The following CLSTN2 variants were observed in gnomAD, a reference collection of about 807,000 sequenced individuals.
CLSTN2 encodes calsyntenin-2.
Under a neutral mutation model 101.2 loss-of-function variants are expected in CLSTN2, and 48 were observed. The ratio of observed to expected loss-of-function variants is 0.47; its 90% confidence interval spans 0.38 to 0.60. The LOEUF is 0.60. CLSTN2 is among the 20% of genes least tolerant of loss of function. CLSTN2 has a pLI of 0.00. For missense variants in CLSTN2, 1,160 were observed against 1,238.2 expected (o/e 0.94, Z 0.95); for synonymous variants, 481 against 463.6 (o/e 1.04, Z -0.48).
intron 2 of CLSTN2, among the ~76,000 whole-genome samples, chr3:140,299,278 G>C (rs890638276): frequency 6.6e-6 from 1 of 152,138 alleles, no homozygotes; most frequent in Non-Finnish European, 1.5e-5. Context: ...TGATTATGTG[G>C]GCACCCCTGG....
At chr3:140,343,638 G>A (rs2087513210) in intron 2 of CLSTN2, among the ~76,000 whole-genome samples, 1 of 152,188 alleles carries the variant, frequency 6.6e-6, no homozygotes, top group African/African-American at 2.4e-5. Context: ...TATATTAGAA[G>A]CTTGTGAGAT....
intron 2 of CLSTN2, among the ~76,000 whole-genome samples, chr3:140,332,705 CAA>C (rs66752830): frequency 0.49 from 68,091 of 139,134 alleles, 17,487 homozygotes; most frequent in Non-Finnish European, 0.63. Flanking sequence ...TCTTTTCTGG[CAA>C]AAAAAAAAAA....
intron 2 of CLSTN2, among the ~76,000 whole-genome samples, chr3:140,214,275 A>G (rs1268987331): frequency 6.6e-6 from 1 of 151,990 alleles, no homozygotes; most frequent in African/African-American, 2.4e-5. Context: ...CCCCATCTCT[A>G]CTGAAAATAC....
At chr3:140,184,234 GAA>G (rs1233136174) in intron 2 of CLSTN2, among the ~76,000 whole-genome samples, 1 of 152,204 alleles carries the variant, frequency 6.6e-6, no homozygotes, top group Non-Finnish European at 1.5e-5. Context: ...CTACTTATGA[GAA>G]GTTTGTTACT....
At chr3:140,258,623 T>A (rs2086623224) in intron 2 of CLSTN2, among the ~76,000 whole-genome samples, 1 of 152,242 alleles carries the variant, frequency 6.6e-6, no homozygotes, top group East Asian at 1.9e-4. Flanking sequence ...ATTTTCTACT[T>A]GCAGTTAAAT....
intron 1 of CLSTN2, among the ~76,000 whole-genome samples, chr3:139,991,284 A>G (rs1206967361): frequency 6.6e-6 from 1 of 152,250 alleles, no homozygotes; most frequent in Non-Finnish European, 1.5e-5. Context: ...ATTAATAAAA[A>G]TGCTAGATTG....
intron 5 of CLSTN2, among the ~76,000 whole-genome samples, chr3:140,425,444 C>A (rs548211047): frequency 3.1e-4 from 47 of 152,320 alleles, no homozygotes; most frequent in African/African-American, 1.1e-3. Flanking sequence ...CATCTCAGAC[C>A]CCGGCTCTTC....
At chr3:140,052,178 A>G (rs2008009552) in intron 1 of CLSTN2, among the ~76,000 whole-genome samples, 1 of 152,086 alleles carries the variant, frequency 6.6e-6, no homozygotes, top group African/African-American at 2.4e-5. Flanking sequence ...TTATATTTTG[A>G]GACAGAGTCT....
intron 1 of CLSTN2, among the ~76,000 whole-genome samples, chr3:139,963,989 T>G (rs1164427521): frequency 2.0e-5 from 3 of 152,192 alleles, no homozygotes; most frequent in Non-Finnish European, 4.4e-5. Context: ...TCCCCCACTC[T>G]CTCTATTAAC....
At chr3:140,451,595 G>A (rs1256791207) in intron 6 of CLSTN2, among the ~76,000 whole-genome samples, 1 of 152,176 alleles carries the variant, frequency 6.6e-6, no homozygotes, top group Middle Eastern at 3.2e-3. Flanking sequence ...GATAAAAAGG[G>A]TGAAAGCAAA....
At chr3:140,252,040 A>T (rs1271022904) in intron 2 of CLSTN2, among the ~76,000 whole-genome samples, 1 of 152,178 alleles carries the variant, frequency 6.6e-6, no homozygotes, top group East Asian at 1.9e-4. Flanking sequence ...TCTAAGCATG[A>T]TGGAGAGGCA....
chr3:140,298,789 T>C (rs1576504836), intron 2 of CLSTN2, among the ~76,000 whole-genome samples: 1 of 152,108 alleles, frequency 6.6e-6, no homozygotes, highest in Non-Finnish European at 1.5e-5. Flanking sequence ...ACAGAATGCA[T>C]GGTGTAAAAA....
intron 8 of CLSTN2, among the ~76,000 whole-genome samples, chr3:140,499,879 A>G (rs1325438347): frequency 2.0e-5 from 3 of 152,096 alleles, no homozygotes; most frequent in African/African-American, 7.2e-5. Flanking sequence ...CCTGGCTAAC[A>G]CGGTGAAACC....
chr3:140,130,367 CAT>C lies in CLSTN2; in HGVS notation c.110-45583_110-45582del, dbSNP rs1473424097. On this transcript the variant is annotated intron_variant, in intron 1 of 16. Transcript: ENST00000458420. The stretch of plus-strand genomic sequence containing the variant: ...ATGCACACAGCTGTTAGCTTAAGAA[CAT>C]GTTATGGGAACCTTCACTGATCCTC... 5.3e-5 allele frequency among the ~76,000 whole-genome samples: 8 copies of C among 152,160 alleles called. 1 individual carries two copies. In the South Asian group the frequency reaches 1.2e-3, roughly 24 times the overall value.
intron 4 of CLSTN2, among the ~76,000 whole-genome samples, chr3:140,415,500 A>C (rs1027723944): frequency 1.7e-4 from 26 of 151,152 alleles, no homozygotes; most frequent in African/African-American, 3.2e-4. Flanking sequence ...AAAAAAAAAA[A>C]AAAAAAAAAA....
chr3:140,300,100 C>T (rs948981272), intron 2 of CLSTN2, among the ~76,000 whole-genome samples: 1 of 152,200 alleles, frequency 6.6e-6, no homozygotes, highest in South Asian at 2.1e-4. Context: ...AATGCAGTCT[C>T]GCTCCCAATC....
chr3:140,118,741 A>T (rs9849236), intron 1 of CLSTN2, among the ~76,000 whole-genome samples: 43,101 of 151,988 alleles, frequency 0.28, 7,439 homozygotes, highest in African/African-American at 0.47. Context: ...AAAGTTATTT[A>T]ACCTCTTCAA....
intron 1 of CLSTN2, among the ~76,000 whole-genome samples, chr3:139,976,737 C>A (rs144998945): frequency 9.8e-5 from 15 of 152,312 alleles, no homozygotes; most frequent in African/African-American, 3.1e-4. Flanking sequence ...CTCTCCAAGC[C>A]TCCTCTCCCA....
intron 2 of CLSTN2, among the ~76,000 whole-genome samples, chr3:140,339,986 C>T (rs953937495): frequency 2.0e-5 from 3 of 152,172 alleles, no homozygotes; most frequent in Admixed American, 2.0e-4. Flanking sequence ...TCACAGATAT[C>T]CCTCAGAGCC....
Sources: gnomAD v4.1 joint callset for allele counts (sites outside exome capture counted in the v4.1 genomes callset) on GRCh38, gnomAD v4.1.1 for gene constraint, MANE v1.5 for transcripts, NCBI Gene and HGNC (gene_info 2026-07-23, HGNC 2026-07-21) for gene names.